CADM2: variants seen among roughly 807,000 people sequenced by gnomAD.
CADM2 encodes cell adhesion molecule 2.
Under a neutral mutation model 49.8 loss-of-function variants are expected in CADM2, and 12 were observed. The observed-to-expected ratio is 0.24, with a 90% CI of 0.15 to 0.39. CADM2 has a LOEUF of 0.39. Ranked by LOEUF, CADM2 falls within the 10% of genes least tolerant of loss-of-function variation. The pLI is 1.00. For synonymous variants in CADM2, 214 were observed against 175.4 expected (o/e 1.22, Z -1.74); for missense variants, 378 against 492.3 (o/e 0.77, Z 2.20).
intron 1 of CADM2, among the ~76,000 whole-genome samples, chr3:85,343,706 A>T (rs1404182114): frequency 1.3e-5 from 2 of 152,214 alleles, no homozygotes; most frequent in Non-Finnish European, 2.9e-5. Flanking sequence ...GACAGTGTCT[A>T]CTAAGGCAGT....
At chr3:85,713,549 A>G (rs2067188020) in intron 1 of CADM2, among the ~76,000 whole-genome samples, 1 of 152,202 alleles carries the variant, frequency 6.6e-6, no homozygotes, top group Non-Finnish European at 1.5e-5. Context: ...GATGCCACTT[A>G]GGCACTCCAT....
At chr3:85,129,863 C>A (rs1308776706) in intron 1 of CADM2, among the ~76,000 whole-genome samples, 1 of 152,178 alleles carries the variant, frequency 6.6e-6, no homozygotes, top group Non-Finnish European at 1.5e-5. Context: ...CACACTGACT[C>A]TAATAACTGG....
intron 2 of CADM2, among the ~76,000 whole-genome samples, chr3:85,748,629 G>T (rs1342465573): frequency 6.6e-6 from 1 of 152,104 alleles, no homozygotes; most frequent in Non-Finnish European, 1.5e-5. Flanking sequence ...AACTTTCCCT[G>T]CCTGGTTTCC....
intron 1 of CADM2, among the ~76,000 whole-genome samples, chr3:84,995,032 A>T (rs968849595): frequency 1.4e-4 from 22 of 152,284 alleles, no homozygotes; most frequent in Non-Finnish European, 2.8e-4. Flanking sequence ...TCTGTCTCAA[A>T]AAATAAATAA....
intron 1 of CADM2, among the ~76,000 whole-genome samples, chr3:85,385,483 T>A (rs922015717): frequency 4.6e-5 from 7 of 152,120 alleles, no homozygotes; most frequent in Non-Finnish European, 8.8e-5. Context: ...ATCATGGATA[T>A]GTTTTGGTAA....
At chr3:86,030,368 G>GT (rs909251451) in intron 8 of CADM2, among the ~76,000 whole-genome samples, 1 of 151,828 alleles carries the variant, frequency 6.6e-6, no homozygotes, top group Non-Finnish European at 1.5e-5. Context: ...ACAAATTTCA[G>GT]TTTTTTTCTT....
At chr3:85,325,842 G>A (rs2044737318) in intron 1 of CADM2, among the ~76,000 whole-genome samples, 1 of 152,076 alleles carries the variant, frequency 6.6e-6, no homozygotes, top group Non-Finnish European at 1.5e-5. Context: ...GTGCCATCAT[G>A]ATCCAGGGAT....
chr3:85,476,751 C>A lies in CADM2; in HGVS notation c.62-249771C>A, dbSNP rs1420430255. Among the ~76,000 whole-genome samples the A allele has an allele frequency of 2.0e-5, 3 of 151,842 alleles. No homozygotes were observed. In the East Asian group the frequency reaches 5.8e-4, roughly 29 times the overall value. The stretch of plus-strand genomic sequence containing the variant: ...AAATACTTTAGATCCACAGAAGGAG[C>A]AGAATCTATTTTTAATCTCTGTATC... On this transcript the variant is annotated intron_variant, in intron 1 of 9. Transcript: ENST00000383699.
chr3:85,986,378 CT>C lies in CADM2; in HGVS notation c.970+24733del, dbSNP rs1277089983. ...CATTTGGAGTAGTAGAATATATCAT[CT>C]TGACACAGTTAAATCCCAAAGTGTG... On this transcript the variant is annotated intron_variant, in intron 8 of 9. Transcript: ENST00000383699. Among the ~76,000 whole-genome samples, 3 of 152,144 alleles carry C rather than the reference CT, an allele frequency of 2.0e-5. No homozygotes were observed. In the East Asian group the frequency reaches 5.8e-4, roughly 30 times the overall value.
At chr3:85,475,841 G>A (rs183950263) in intron 1 of CADM2, among the ~76,000 whole-genome samples, 15 of 151,926 alleles carry the variant, frequency 9.9e-5, no homozygotes, top group East Asian at 1.9e-4. Context: ...GTTTCTAAAC[G>A]AATTATTATA....
intron 3 of CADM2, among the ~76,000 whole-genome samples, chr3:85,837,835 C>G (rs574924263): frequency 1.3e-5 from 2 of 151,774 alleles, no homozygotes; most frequent in African/African-American, 2.4e-5. Flanking sequence ...GTGTTGCTTC[C>G]TATTCTAAGT....
intron 2 of CADM2, among the ~76,000 whole-genome samples, chr3:85,768,786 A>AT (rs2069823803): frequency 7.8e-6 from 1 of 128,434 alleles, no homozygotes; most frequent in Non-Finnish European, 1.6e-5. Flanking sequence ...ATACATATAT[A>AT]GTATATATAC....
At chr3:85,261,612 T>C (rs2043015500) in intron 1 of CADM2, among the ~76,000 whole-genome samples, 1 of 152,158 alleles carries the variant, frequency 6.6e-6, no homozygotes, top group Non-Finnish European at 1.5e-5. Flanking sequence ...TTCTATAAGA[T>C]AGTAAGTTAA....
intron 1 of CADM2, among the ~76,000 whole-genome samples, chr3:85,138,024 T>C (rs562924559): frequency 6.6e-6 from 1 of 152,308 alleles, no homozygotes; most frequent in East Asian, 1.9e-4. Context: ...GCTTTCTATG[T>C]TGACCTCTTT....
chr3:85,472,721 A>G (rs1576617776), intron 1 of CADM2, among the ~76,000 whole-genome samples: 1 of 151,972 alleles, frequency 6.6e-6, no homozygotes, highest in African/African-American at 2.4e-5. Context: ...TTGGCTCTGC[A>G]TACGTCTTAT....
chr3:86,013,591 T>G (rs999728844), intron 8 of CADM2: 1 of 1,601,082 alleles, frequency 6.2e-7, no homozygotes, highest in African/African-American at 1.3e-5. Context: ...GAAGAAACTC[T>G]CAGGGAAGAG....
intron 1 of CADM2, among the ~76,000 whole-genome samples, chr3:85,020,792 G>A (rs1267903283): frequency 2.6e-5 from 4 of 151,942 alleles, no homozygotes; most frequent in Non-Finnish European, 5.9e-5. Context: ...GGGGGTGTGT[G>A]TGTGTGTGTG....
At chr3:85,648,809 G>C (rs2064963440) in intron 1 of CADM2, among the ~76,000 whole-genome samples, 1 of 151,938 alleles carries the variant, frequency 6.6e-6, no homozygotes, top group Admixed American at 6.5e-5. Flanking sequence ...TAGCTTTTTT[G>C]AAAGCCATGT....
At chr3:85,180,118 A>T in intron 1 of CADM2, among the ~76,000 whole-genome samples, 1 of 152,286 alleles carries the variant, frequency 6.6e-6, no homozygotes, top group African/African-American at 2.4e-5. Context: ...ATAAATAAGT[A>T]AAATATATAG....
Sources: gnomAD v4.1 joint callset for allele counts (sites outside exome capture counted in the v4.1 genomes callset) on GRCh38, gnomAD v4.1.1 for gene constraint, MANE v1.5 for transcripts, NCBI Gene and HGNC (gene_info 2026-07-23, HGNC 2026-07-21) for gene names.